The following PHGDH variants were observed in gnomAD, a reference collection of about 807,000 sequenced individuals.
The protein encoded by PHGDH is phosphoglycerate dehydrogenase, also known as D-3-phosphoglycerate dehydrogenase.
Under a neutral mutation model 52.6 loss-of-function variants are expected in PHGDH, and 50 were observed. That is an observed-to-expected ratio of 0.95 (90% confidence interval 0.76 to 1.20). The LOEUF (loss-of-function observed/expected upper bound fraction) is 1.20, where lower values mean the gene tolerates loss of function less well. Among genes scored for constraint, PHGDH ranks in the 50% most tolerant of loss-of-function variants. The pLI is 0.00. For synonymous variants in PHGDH, 271 were observed against 280.5 expected, an observed-to-expected ratio of 0.97 and a Z score of 0.34; for missense variants, 630 against 684.6, an observed-to-expected ratio of 0.92 and a Z score of 0.89.
At chr1:119,717,620 G>C (rs1372257947) in intron 1 of PHGDH, among the ~76,000 whole-genome samples, 1 of 151,918 alleles carries the variant, frequency 6.6e-6, no homozygotes, top group Non-Finnish European at 1.5e-5. Flanking sequence ...ATTATTTCTT[G>C]TTTAGTTCTT....
intron 5 of PHGDH, chr1:119,727,553 G>A (rs999589802): frequency 3.5e-5 from 8 of 228,656 alleles, no homozygotes; most frequent in East Asian, 2.1e-4. Flanking sequence ...AGTGTTGGCC[G>A]GGCGCGGTGG....
chr1:119,734,955 G>T (rs1300669556), intron 6 of PHGDH, 189 bp downstream of exon 6: 1 of 683,028 alleles, frequency 1.5e-6, no homozygotes. Flanking sequence ...AGCTAGAAGT[G>T]CTTGGGGTCT....
intron 5 of PHGDH, among the ~76,000 whole-genome samples, chr1:119,730,474 C>T (rs587642421): frequency 6.6e-5 from 10 of 152,250 alleles, no homozygotes; most frequent in South Asian, 2.1e-4. Flanking sequence ...GCATGTCATC[C>T]GAGACTTTTC....
chr1:119,717,706 G>C (rs587721543), intron 1 of PHGDH, among the ~76,000 whole-genome samples: 1 of 151,728 alleles, frequency 6.6e-6, no homozygotes, highest in Non-Finnish European at 1.5e-5. Flanking sequence ...TGTCTATTTA[G>C]TTCTGTTGAC....
chr1:119,729,193 C>T (rs926742051), intron 5 of PHGDH, among the ~76,000 whole-genome samples: 3 of 152,194 alleles, frequency 2.0e-5, no homozygotes, highest in Non-Finnish European at 4.4e-5. Flanking sequence ...TGTAGCCCAG[C>T]AGGATCATTG....
At chr1:119,732,997 C>T (rs192545002) in intron 5 of PHGDH, among the ~76,000 whole-genome samples, 14 of 152,314 alleles carry the variant, frequency 9.2e-5, no homozygotes, top group East Asian at 7.7e-4. Context: ...GGCCAGCAGA[C>T]GAAGAAGACT....
chr1:119,720,394 T>C (rs1570989946), intron 1 of PHGDH: 1 of 152,222 alleles, frequency 6.6e-6, no homozygotes, highest in East Asian at 1.9e-4. Context: ...TCAACATTCG[T>C]TTCATTCATT....
intron 1 of PHGDH, among the ~76,000 whole-genome samples, chr1:119,717,232 CAAAAAA>C (rs58549149): frequency 2.1e-4 from 8 of 37,350 alleles, no homozygotes; most frequent in South Asian, 2.0e-3. Context: ...AACTCTGTCT[CAAAAAA>C]AAAAAAAAAA....
chr1:119,723,454 C>G lies in PHGDH; in HGVS notation c.356+13C>G, dbSNP rs184901459. On this transcript the variant is annotated intron_variant, in intron 3 of 11. Coordinates refer to ENST00000641023, the MANE Select transcript of PHGDH (RefSeq NM_006623.4). ...TGTGCCTGGCCAGGTAAGTCCCTGA[C>G]TTCTCAGCAAAGCTAGTCTCTCCGA... 5.7e-5 allele frequency: 91 copies of G among 1,603,296 alleles called. No homozygotes were observed. The African/African-American group carries it at 9.2e-4, about 16-fold the overall frequency.
In PHGDH at chr1:119,712,145, G is replaced by A. The variant is rs965563866; in HGVS notation, c.123G>A (p.Leu41=). 1 of 1,614,002 alleles carries A rather than the reference G, an allele frequency of 6.2e-7. No homozygotes were observed. Among genetic ancestry groups the A allele is most frequent in the African/African-American group, 1.3e-5 (1 of 74,944 alleles). ...VEKQNLSKEE[L]IAELQDCEGL... Reference sequence around the variant, plus strand: ...AGCAGAACCTTAGCAAAGAGGAGCTGATAGCGGAGCTGCAGGTAAGGCGAG... The same window carrying A: ...AGCAGAACCTTAGCAAAGAGGAGCTAATAGCGGAGCTGCAGGTAAGGCGAG... The change falls in exon 1 of 12, where the codon CTG becomes CTA. Residue 41 remains leucine, a synonymous_variant. Transcript: ENST00000641023.
intron 3 of PHGDH, among the ~76,000 whole-genome samples, chr1:119,725,176 C>A (rs1651351627): frequency 6.6e-6 from 1 of 152,174 alleles, no homozygotes; most frequent in South Asian, 2.1e-4. Flanking sequence ...GTAAGTCAGG[C>A]CAGCAACCAT....
chr1:119,724,853 C>T, intron 3 of PHGDH: 1 of 456,682 alleles, frequency 2.2e-6, no homozygotes, highest in Non-Finnish European at 4.4e-6. Context: ...GTCAACTGCT[C>T]ACCATGACCT....
In PHGDH at chr1:119,737,204, T is replaced by C; in HGVS notation, c.883T>C (p.Cys295Arg). 6.2e-7 allele frequency: 1 copy of C among 1,614,128 alleles called. No individual in the cohort carries two copies. Among genetic ancestry groups the C allele is most frequent in the Non-Finnish European group, 8.5e-7 (1 of 1,179,982 alleles). The change falls in exon 8 of 12, where the codon TGT becomes CGT. Residue 295 changes from cysteine to arginine, a missense_variant. By Grantham distance (180) the Cys-to-Arg change is radical. Transcript: ENST00000641023. ...CAGCACCAAGGAGGCTCAGAGCCGC[T>C]GTGGGGAGGAAATTGCTGTTCAGTT... Reference protein sequence around the residue: ...GASTKEAQSRCGEEIAVQFVD... With the variant: ...GASTKEAQSRRGEEIAVQFVD...
At chr1:119,712,294 T>TAG in intron 1 of PHGDH, 134 bp downstream of exon 1, 1 of 620,656 alleles carries the variant, frequency 1.6e-6, no homozygotes, top group South Asian at 1.5e-5. Context: ...GATTGGGGGG[T>TAG]AGAGAAGAAC....
rs188056005 is a variant in PHGDH at position 119,715,464 on chromosome 1, C to G, written c.138+3304C>G. 1.5e-3 allele frequency among the ~76,000 whole-genome samples: 230 copies of G among 152,334 alleles called. 5 individuals carry two copies. The highest frequency in any genetic ancestry group is 9.6e-4 in the East Asian group (5 of 5,190). ...CATCAAATTAATCAGGATCACACAT[C>G]TTGTGCAAAACAGGGTAGACCTGCC... On this transcript the variant is annotated intron_variant, in intron 1 of 11. Coordinates refer to ENST00000641023, the MANE Select transcript of PHGDH (RefSeq NM_006623.4).
intron 5 of PHGDH, chr1:119,727,654 C>T (rs587609777): frequency 2.6e-3 from 385 of 148,036 alleles, no homozygotes; most frequent in Middle Eastern, 3.4e-3. Flanking sequence ...ATGGTGAAAC[C>T]GCATCGCTAC....
At chr1:119,717,057 T>G (rs1195241011) in intron 1 of PHGDH, among the ~76,000 whole-genome samples, 1 of 151,902 alleles carries the variant, frequency 6.6e-6, no homozygotes, top group Non-Finnish European at 1.5e-5. Context: ...TATTTATCTA[T>G]TTTTTATTGT....
intron 3 of PHGDH, among the ~76,000 whole-genome samples, chr1:119,726,485 T>C (rs587760449): frequency 2.4e-4 from 36 of 152,300 alleles, no homozygotes; most frequent in African/African-American, 8.2e-4. Flanking sequence ...TCTGGAGTAC[T>C]CGATGTCATC....
chr1:119,714,567 C>T (rs587690698), intron 1 of PHGDH: 39 of 152,328 alleles, frequency 2.6e-4, no homozygotes, highest in African/African-American at 8.2e-4. Context: ...GAAATTACAA[C>T]TTAAAAATGT....
Sources: allele counts gnomAD v4.1 joint callset (sites outside exome capture counted in the v4.1 genomes callset), GRCh38; gene constraint gnomAD v4.1.1; transcripts MANE v1.5; gene names NCBI Gene and HGNC (gene_info 2026-07-23, HGNC 2026-07-21).